Variants in SCIN observed in about 807,000 individuals in gnomAD.
SCIN encodes the protein adseverin.
A neutral mutation model predicts 91.8 loss-of-function variants in SCIN; 91 were observed. The observed-to-expected ratio is 0.99, with a 90% CI of 0.84 to 1.18. The LOEUF is 1.18. SCIN is among the 50% of genes most tolerant of loss of function. The probability of loss-of-function intolerance (pLI) is 0.00; values close to 1 mark genes in which losing one functional copy is unlikely to be tolerated. For synonymous variants in SCIN, 367 were observed against 312.6 expected, an observed-to-expected ratio of 1.17 and a Z score of -1.84; for missense variants, 1,087 against 863.9, an observed-to-expected ratio of 1.26 and a Z score of -3.24.
At chr7:12,603,909 GT>G (rs11308387) in intron 3 of SCIN, among the ~76,000 whole-genome samples, 122,100 of 151,810 alleles carry the variant, frequency 0.8, 49,916 homozygotes, top group East Asian at 1. Flanking sequence ...TATATGTGTG[GT>G]TTTTTTCTCC....
chr7:12,571,329 A>G (rs946418514), intron 1 of SCIN: 33 of 374,408 alleles, frequency 8.8e-5, no homozygotes, highest in African/African-American at 6.2e-4. Context: ...CTCAGCGCAC[A>G]CCGTCTCTGG....
At chr7:12,629,066 A>G (rs1264069302) in intron 8 of SCIN, 35 bp from the exon 9 acceptor site, 4 of 1,539,530 alleles carry the variant, frequency 2.6e-6, no homozygotes, top group Non-Finnish European at 3.5e-6. Context: ...GATCAAGAAA[A>G]TTGTAATTTG....
At chr7:12,640,265 A>G (rs1335221320) in intron 10 of SCIN, 82 bp from the exon 11 acceptor site, 2 of 1,210,998 alleles carry the variant, frequency 1.7e-6, no homozygotes, top group Admixed American at 3.4e-5. Flanking sequence ...CAAAAAGACA[A>G]CATAAGAACA....
intron 11 of SCIN, among the ~76,000 whole-genome samples, chr7:12,641,920 T>A (rs903147424): frequency 6.6e-6 from 1 of 152,110 alleles, no homozygotes; most frequent in Non-Finnish European, 1.5e-5. Context: ...CCCTGCAACT[T>A]TATCAATTTG....
At chr7:12,575,798 T>C (rs1782358008) in intron 1 of SCIN, among the ~76,000 whole-genome samples, 1 of 152,132 alleles carries the variant, frequency 6.6e-6, no homozygotes, top group South Asian at 2.1e-4. Context: ...GCAGACTTTA[T>C]ACACAAAGTT....
At position 12,612,944 on chromosome 7, in the gene SCIN, A is replaced by T. The variant is rs150707379; in HGVS notation, c.666+8281A>T. 6.7e-3 allele frequency among the ~76,000 whole-genome samples: 1,023 copies of T among 152,274 alleles called. 6 individuals carry two copies. The highest frequency in any genetic ancestry group is 8.5e-3 in the Non-Finnish European group (575 of 68,012). ...GTTATATTAATCAGTCCAAGTTAAC[A>T]CCACTTGGCAATCATCTCTGAATGA... On this transcript the variant is annotated intron_variant, in intron 4 of 15. Transcript: ENST00000297029.
intron 2 of SCIN, 40 bp from the exon 3 acceptor site, chr7:12,581,020 C>T (rs139007433): frequency 6.5e-7 from 1 of 1,540,490 alleles, no homozygotes; most frequent in Non-Finnish European, 8.8e-7. Context: ...CATCAGTTTT[C>T]TCTTTGTTTT....
In SCIN at chr7:12,638,448, T is replaced by C. The variant is rs557583830; in HGVS notation, c.1411-1899T>C. 2.0e-5 allele frequency among the ~76,000 whole-genome samples: 3 copies of C among 152,316 alleles called. No homozygotes were observed. In the East Asian group the frequency reaches 5.8e-4, roughly 29 times the overall value. On this transcript the variant is annotated intron_variant, in intron 10 of 15. Coordinates refer to ENST00000297029, the MANE Select transcript of SCIN (RefSeq NM_001112706.3). Reference sequence around the variant, plus strand: ...TTCAAACTGAAAGCAGGTGCTTACTTGGCCAATGCAGTGATGTTTCTGATA... The same window carrying C: ...TTCAAACTGAAAGCAGGTGCTTACTCGGCCAATGCAGTGATGTTTCTGATA...
At chr7:12,574,979 G>A (rs918213603) in intron 1 of SCIN, among the ~76,000 whole-genome samples, 20 of 152,138 alleles carry the variant, frequency 1.3e-4, no homozygotes, top group Admixed American at 9.2e-4. Context: ...AACACTAAGC[G>A]TTTACATTTA....
intron 10 of SCIN, among the ~76,000 whole-genome samples, chr7:12,637,687 T>C (rs1783779763): frequency 6.7e-6 from 1 of 150,202 alleles, no homozygotes; most frequent in African/African-American, 2.4e-5. Flanking sequence ...GGAGGAGAGA[T>C]TGAGAGGGAG....
rs1390586859 is a variant in SCIN at position 12,653,762 on chromosome 7, A to T, written c.*1047A>T. On this transcript the variant is annotated 3_prime_UTR_variant, in exon 16 of 16. Transcript: ENST00000297029. This position sits in a 1 kb window ranked among gnomAD's most constrained non-coding sequence, Gnocchi z 4.1. ...GTAAGTTAACGATATCAAGTTACTT[A>T]CTGGCAGGTAGCCACTAGAGAATCT... 2.6e-5 allele frequency: 4 copies of T among 152,228 alleles called. No homozygotes were observed. The highest frequency in any genetic ancestry group is 7.2e-5 in the African/African-American group (3 of 41,468). The allele number at this position is 152,228 out of a possible 1,614,324, so 9.4% of individuals were successfully genotyped here. A position where few individuals can be genotyped will look rare whatever the true frequency, so the allele number is the denominator to read the frequency against.
chr7:12,658,646 C>T lies in SCIN; in HGVS notation c.*5931C>T, dbSNP rs1167902194. The stretch of plus-strand genomic sequence containing the variant: ...TGAAGGAGCCAGGTGCTTGGGGAAC[C>T]TGGTTGTACAGAAAGGTGATGCCAA... On this transcript the variant is annotated 3_prime_UTR_variant, in exon 16 of 16. Transcript: ENST00000297029. The T allele has an allele frequency of 6.6e-6, 1 of 152,144 alleles. No homozygotes were observed. Among genetic ancestry groups the T allele is most frequent in the Non-Finnish European group, 1.5e-5 (1 of 68,030 alleles). The allele number at this position is 152,144 out of a possible 1,614,324, so 9.4% of individuals were successfully genotyped here.
intron 4 of SCIN, among the ~76,000 whole-genome samples, chr7:12,610,460 G>C (rs764640224): frequency 2.0e-5 from 3 of 152,194 alleles, no homozygotes; most frequent in Non-Finnish European, 2.9e-5. Flanking sequence ...AGTTCCTTGA[G>C]GGCAGGCACT....
At chr7:12,591,161 G>A (rs546543524) in intron 3 of SCIN, among the ~76,000 whole-genome samples, 1 of 152,292 alleles carries the variant, frequency 6.6e-6, no homozygotes, top group Admixed American at 6.5e-5. Context: ...GGAAGAATGA[G>A]TAGGAAGGGA....
chr7:12,614,506 A>G (rs1411234566), intron 4 of SCIN, among the ~76,000 whole-genome samples: 1 of 152,130 alleles, frequency 6.6e-6, no homozygotes, highest in Non-Finnish European at 1.5e-5. Context: ...ACTCTGAGAC[A>G]AGGACTTGGG....
intron 13 of SCIN, among the ~76,000 whole-genome samples, chr7:12,645,101 C>T (rs1055276974): frequency 7.9e-5 from 12 of 151,184 alleles, no homozygotes; most frequent in Middle Eastern, 3.5e-3. Flanking sequence ...GGGTGTATCA[C>T]GAGATCAAGG....
At chr7:12,649,883 G>C (rs926732844) in intron 14 of SCIN, among the ~76,000 whole-genome samples, 1 of 152,180 alleles carries the variant, frequency 6.6e-6, no homozygotes, top group African/African-American at 2.4e-5. Context: ...GGGGTACAAT[G>C]CCATTGAGGA....
chr7:12,602,483 G>A (rs1315322128), intron 3 of SCIN, among the ~76,000 whole-genome samples: 1 of 152,138 alleles, frequency 6.6e-6, no homozygotes, highest in Non-Finnish European at 1.5e-5. Flanking sequence ...GGCTGGAATT[G>A]CCCAATCCTA....
chr7:12,633,830 C>T lies in SCIN; in HGVS notation c.1320-2215C>T, dbSNP rs886547746. Among the ~76,000 whole-genome samples the T allele has an allele frequency of 2.6e-5, 4 of 152,176 alleles. No homozygotes were observed. In the South Asian group the frequency reaches 6.2e-4, roughly 24 times the overall value. ...TGTGTAACTCCTCACCTTGTGCTTCCAGTGCACACAGATGTGTTGGCTAGC... is the reference window on the plus strand; with the variant it reads ...TGTGTAACTCCTCACCTTGTGCTTCTAGTGCACACAGATGTGTTGGCTAGC... On this transcript the variant is annotated intron_variant, in intron 9 of 15. Transcript: ENST00000297029.
Sources: gnomAD v4.1 joint callset for allele counts (sites outside exome capture counted in the v4.1 genomes callset) on GRCh38, gnomAD v4.1.1 for gene constraint, Gnocchi (gnomAD v3.1) non-coding constraint, MANE v1.5 for transcripts, NCBI Gene and HGNC (gene_info 2026-07-23, HGNC 2026-07-21) for gene names.